LATS1: variants seen among roughly 807,000 people sequenced by gnomAD.
The protein encoded by LATS1 is serine/threonine-protein kinase LATS1.
A neutral mutation model predicts 106.6 loss-of-function variants in LATS1; 25 were observed. The ratio of observed to expected loss-of-function variants is 0.23; its 90% CI spans 0.17 to 0.33. LATS1 has a LOEUF of 0.33. LATS1 is among the 10% of genes least tolerant of loss of function. LATS1 has a pLI of 1.00. For missense variants in LATS1, 1,040 were observed against 1,382.6 expected, an observed-to-expected ratio of 0.75 and a Z score of 3.93; for synonymous variants, 465 against 455.6, an observed-to-expected ratio of 1.02 and a Z score of -0.26.
chr6:149,698,263 A>T (rs1783216602), intron 2 of LATS1, among the ~76,000 whole-genome samples: 1 of 150,730 alleles, frequency 6.6e-6, no homozygotes, highest in Non-Finnish European at 1.5e-5. Context: ...TTCCCATTAG[A>T]GACAGGGTCT....
chr6:149,664,340 T>TGAG (rs57215159), intron 7 of LATS1, among the ~76,000 whole-genome samples: 69,907 of 151,530 alleles, frequency 0.46, 17,383 homozygotes, highest in East Asian at 0.81. Flanking sequence ...TCTCAAAAGG[T>TGAG]AAGAAAGCAA....
intron 5 of LATS1, among the ~76,000 whole-genome samples, chr6:149,677,784 G>C (rs2114774592): frequency 6.6e-6 from 1 of 152,234 alleles, no homozygotes; most frequent in Admixed American, 6.5e-5. Flanking sequence ...CCCTTTGGGA[G>C]GCCAGGGAGG....
chr6:149,679,099 G>A (rs1030888540), intron 5 of LATS1, among the ~76,000 whole-genome samples: 2 of 151,912 alleles, frequency 1.3e-5, no homozygotes, highest in Admixed American at 6.6e-5. Flanking sequence ...TGTGATAAAA[G>A]GATCGATAAA....
At chr6:149,693,713 TA>T (rs1782905543) in intron 3 of LATS1, among the ~76,000 whole-genome samples, 3 of 152,296 alleles carry the variant, frequency 2.0e-5, no homozygotes, top group South Asian at 4.1e-4. Flanking sequence ...GGTGTTTCCA[TA>T]ACCATTAAAC....
chr6:149,667,100 G>C (rs2114706970), intron 7 of LATS1, among the ~76,000 whole-genome samples: 1 of 152,074 alleles, frequency 6.6e-6, no homozygotes, highest in Non-Finnish European at 1.5e-5. Context: ...CAATAGCAGA[G>C]TGAAGATGTC....
In LATS1 at chr6:149,714,746, C is replaced by G. The variant is rs541546953; in HGVS notation, c.-141+3103G>C. Among the ~76,000 whole-genome samples the G allele has an allele frequency of 2.6e-5, 4 of 152,156 alleles. No homozygotes were observed. In the East Asian group the frequency reaches 7.7e-4, roughly 29 times the overall value. ...AATTAACTAGCATTATGAAAAGCAG[C>G]CTGTTATCATGATGTTGCATTAACT... On this transcript the variant is annotated intron_variant, in intron 1 of 7. Coordinates refer to ENST00000543571, the MANE Select transcript of LATS1 (RefSeq NM_004690.4).
At chr6:149,712,999 A>AAAATAAAT (rs892064115) in intron 1 of LATS1, among the ~76,000 whole-genome samples, 1 of 152,098 alleles carries the variant, frequency 6.6e-6, no homozygotes, top group Non-Finnish European at 1.5e-5. Flanking sequence ...TGTCCCAGAA[A>AAAATAAAT]AAATAAATAA....
chr6:149,670,425 A>G (rs944728990), intron 7 of LATS1, among the ~76,000 whole-genome samples: 1 of 151,942 alleles, frequency 6.6e-6, no homozygotes, highest in Admixed American at 6.6e-5. Context: ...CTGATCAGAT[A>G]CTTACAGCAG....
chr6:149,705,557 A>T (rs1268487936), intron 1 of LATS1, among the ~76,000 whole-genome samples: 1 of 151,598 alleles, frequency 6.6e-6, no homozygotes, highest in African/African-American at 2.4e-5. Flanking sequence ...TATTATTGTT[A>T]TTTTACCATT....
At chr6:149,702,392 T>C (rs926721931) in intron 1 of LATS1, 126 bp from the exon 2 acceptor site, 1 of 313,022 alleles carries the variant, frequency 3.2e-6, no homozygotes, top group African/African-American at 2.1e-5. Context: ...CATTAAGGAT[T>C]ACTCCGGGTT....
Position 149,660,885 on chromosome 6 carries a change from A to G in LATS1, c.*844T>C, listed in dbSNP as rs1780858044. ...AAAATAGTTACTATACAGGAAAAGT[A>G]TATGAAAATTAAAATAATTATCTGC... On this transcript the variant is annotated 3_prime_UTR_variant, in exon 8 of 8. Transcript: ENST00000543571. 2 of 207,924 alleles carry G rather than the reference A, an allele frequency of 9.6e-6. No individual in the cohort carries two copies. The highest frequency in any genetic ancestry group is 9.8e-6 in the Non-Finnish European group (1 of 101,750). 12.9% of individuals were successfully genotyped at this position (207,924 alleles called of 1,614,324 possible).
intron 7 of LATS1, among the ~76,000 whole-genome samples, chr6:149,668,659 G>C (rs1038219574): frequency 1.3e-5 from 2 of 150,684 alleles, no homozygotes; most frequent in Admixed American, 1.3e-4. Context: ...TACTCACGCT[G>C]GTCTTGAACT....
At chr6:149,689,038 C>A (rs921919005) in intron 3 of LATS1, among the ~76,000 whole-genome samples, 6 of 152,090 alleles carry the variant, frequency 3.9e-5, no homozygotes. Context: ...TATGGTGGCA[C>A]ATGCCTGTAA....
Position 149,659,069 on chromosome 6 carries a change from T to G in LATS1, c.*2660A>C, listed in dbSNP as rs1406468655. Reference sequence around the variant, plus strand: ...AAGTAGATGTAGTTTTGGAATAAGATAGCTGATAAGTATATCCAAACTGTT... The same window carrying G: ...AAGTAGATGTAGTTTTGGAATAAGAGAGCTGATAAGTATATCCAAACTGTT... On this transcript the variant is annotated 3_prime_UTR_variant, in exon 8 of 8. Coordinates refer to ENST00000543571, the MANE Select transcript of LATS1 (RefSeq NM_004690.4). 2 of 154,564 alleles carry G rather than the reference T, an allele frequency of 1.3e-5. No homozygotes were observed. Among genetic ancestry groups the G allele is most frequent in the African/African-American group, 4.8e-5 (2 of 41,516 alleles). 9.6% of individuals were successfully genotyped at this position (154,564 alleles called of 1,614,324 possible). A position where few individuals can be genotyped will look rare whatever the true frequency, so the allele number is the denominator to read the frequency against.
chr6:149,690,236 G>T (rs569489279), intron 3 of LATS1, among the ~76,000 whole-genome samples: 1 of 141,892 alleles, frequency 7.0e-6, no homozygotes, highest in South Asian at 2.2e-4. Context: ...TTTTTGAGAC[G>T]GAGTTTTGTT....
rs1026513588 is a variant in LATS1, at chr6:149,717,908, C to A, written c.-200G>T. ...ACGGGCCTGAGGGCGGACGCTGAGG[C>A]GGCCAGAGTCCGTCCCAGCAACCCC... On this transcript the variant is annotated 5_prime_UTR_variant, in exon 1 of 8. Transcript: ENST00000543571. The A allele has an allele frequency of 2.7e-6, 1 of 367,610 alleles. No individual in the cohort carries two copies. The highest frequency in any genetic ancestry group is 5.3e-6 in the Non-Finnish European group (1 of 188,948). The allele number at this position is 367,610 out of a possible 1,614,324, so 22.8% of individuals were successfully genotyped here.
chr6:149,678,249 C>A (rs961411815), intron 5 of LATS1, among the ~76,000 whole-genome samples: 2 of 146,736 alleles, frequency 1.4e-5, no homozygotes, highest in Admixed American at 7.0e-5. Flanking sequence ...GAAGCTGAGG[C>A]AAGAGAATGG....
chr6:149,708,842 A>T (rs1783936143), intron 1 of LATS1, among the ~76,000 whole-genome samples: 2 of 152,226 alleles, frequency 1.3e-5, no homozygotes, highest in Non-Finnish European at 2.9e-5. Context: ...ACAGCCTAAT[A>T]ACATTGTGAA....
At chr6:149,682,566 C>G (rs949131067) in intron 4 of LATS1, among the ~76,000 whole-genome samples, 1 of 152,054 alleles carries the variant, frequency 6.6e-6, no homozygotes, top group Admixed American at 6.6e-5. Context: ...CGCCCGCCAC[C>G]ATGCCCAGCT....
Sources: gnomAD v4.1 joint callset for allele counts (sites outside exome capture counted in the v4.1 genomes callset) on GRCh38, gnomAD v4.1.1 for gene constraint, MANE v1.5 for transcripts, NCBI Gene and HGNC (gene_info 2026-07-23, HGNC 2026-07-21) for gene names.